Variants in MRPL13 observed in about 807,000 individuals in gnomAD.
The protein encoded by MRPL13 is mitochondrial ribosomal protein L13.
Under a neutral mutation model 29.0 loss-of-function variants are expected in MRPL13, and 33 were observed. That is an observed-to-expected ratio of 1.14 (90% CI 0.86 to 1.52). The LOEUF is 1.52. Among genes scored for constraint, MRPL13 ranks in the 40% most tolerant of loss-of-function variants. MRPL13 has a pLI of 0.00. For synonymous variants in MRPL13, 77 were observed against 68.4 expected (o/e 1.13, Z -0.62); for missense variants, 227 against 216.7 (o/e 1.05, Z -0.30).
intron 1 of MRPL13, among the ~76,000 whole-genome samples, chr8:120,443,758 A>C (rs1223458856): frequency 6.6e-6 from 1 of 152,170 alleles, no homozygotes; most frequent in Non-Finnish European, 1.5e-5. Context: ...TGAGTGGCCA[A>C]CTGGAAACTG....
chr8:120,435,480 T>TG (rs1452566746), intron 2 of MRPL13, among the ~76,000 whole-genome samples: 2 of 152,094 alleles, frequency 1.3e-5, no homozygotes, highest in Non-Finnish European at 2.9e-5. Context: ...TGTTCCTGTG[T>TG]TAGTTTACTT....
At chr8:120,419,505 A>C (rs1812843257) in intron 5 of MRPL13, among the ~76,000 whole-genome samples, 1 of 151,898 alleles carries the variant, frequency 6.6e-6, no homozygotes, top group African/African-American at 2.4e-5. Flanking sequence ...TGGTCACATA[A>C]AAAGTGAACT....
At chr8:120,411,649 T>C (rs1041516474) in intron 6 of MRPL13, among the ~76,000 whole-genome samples, 3 of 152,164 alleles carry the variant, frequency 2.0e-5, no homozygotes, top group Non-Finnish European at 4.4e-5. Flanking sequence ...AGTTAACATA[T>C]GCGTGTGACT....
chr8:120,429,050 G>A (rs1038692557), intron 3 of MRPL13, among the ~76,000 whole-genome samples: 6 of 152,024 alleles, frequency 3.9e-5, no homozygotes, highest in African/African-American at 1.4e-4. Context: ...CCACATGTGT[G>A]TTCACTGCAG....
At chr8:120,440,882 A>G (rs1280165725) in intron 2 of MRPL13, among the ~76,000 whole-genome samples, 2 of 152,082 alleles carry the variant, frequency 1.3e-5, no homozygotes, top group Non-Finnish European at 2.9e-5. Context: ...AAAACAGATC[A>G]CAGTGAGGCA....
chr8:120,429,161 A>G (rs1439349360), intron 3 of MRPL13, among the ~76,000 whole-genome samples: 1 of 152,208 alleles, frequency 6.6e-6, no homozygotes, highest in Non-Finnish European at 1.5e-5. Flanking sequence ...AATACTACAT[A>G]GCCATAAAAA....
intron 3 of MRPL13, among the ~76,000 whole-genome samples, chr8:120,427,689 T>C (rs973910685): frequency 7.2e-5 from 11 of 152,000 alleles, no homozygotes; most frequent in African/African-American, 2.4e-4. Context: ...GAAGGCTGGG[T>C]ATGATGGCTC....
At chr8:120,427,863 C>G (rs144556269) in intron 3 of MRPL13, among the ~76,000 whole-genome samples, 2 of 151,884 alleles carry the variant, frequency 1.3e-5, no homozygotes, top group East Asian at 3.9e-4. Flanking sequence ...AAAAACACTC[C>G]ATGCTCATGG....
At chr8:120,399,315 G>A (rs1399676748) in intron 6 of MRPL13, among the ~76,000 whole-genome samples, 1 of 152,186 alleles carries the variant, frequency 6.6e-6, no homozygotes, top group Non-Finnish European at 1.5e-5. Context: ...AACCCTACCA[G>A]CCAGAAGAGA....
chr8:120,430,277 A>G (rs567729759), intron 3 of MRPL13, among the ~76,000 whole-genome samples: 1 of 152,178 alleles, frequency 6.6e-6, no homozygotes, highest in Admixed American at 6.5e-5. Context: ...ACAAAACAAA[A>G]TGAAAATTTT....
chr8:120,444,901 T>G, intron 1 of MRPL13, 167 bp downstream of exon 1: 1 of 564,800 alleles, frequency 1.8e-6, no homozygotes. Context: ...ACGAACGACA[T>G]TAAGTGCTTG....
At chr8:120,422,924 C>T (rs1812890226) in intron 4 of MRPL13, among the ~76,000 whole-genome samples, 1 of 151,750 alleles carries the variant, frequency 6.6e-6, no homozygotes, top group East Asian at 1.9e-4. Flanking sequence ...GGTACATGAG[C>T]CTACCAAGTA....
At chr8:120,416,465 GC>G (rs1023571198) in intron 5 of MRPL13, among the ~76,000 whole-genome samples, 1 of 152,146 alleles carries the variant, frequency 6.6e-6, no homozygotes, top group African/African-American at 2.4e-5. Flanking sequence ...CTGCACTCCA[GC>G]CTGGGTGACA....
intron 2 of MRPL13, among the ~76,000 whole-genome samples, chr8:120,435,671 T>C (rs1346800179): frequency 1.3e-5 from 2 of 152,104 alleles, no homozygotes; most frequent in African/African-American, 2.4e-5. Flanking sequence ...TGAACATATC[T>C]GCATGCTTTA....
At chr8:120,421,058 T>C (rs1403014201) in intron 4 of MRPL13, among the ~76,000 whole-genome samples, 1 of 151,880 alleles carries the variant, frequency 6.6e-6, no homozygotes, top group Non-Finnish European at 1.5e-5. Context: ...AGACATTAAG[T>C]ATAAGTTTTA....
At chr8:120,401,254 T>C (rs1054632305) in intron 6 of MRPL13, among the ~76,000 whole-genome samples, 2 of 152,114 alleles carry the variant, frequency 1.3e-5, no homozygotes, top group African/African-American at 4.8e-5. Context: ...AAATCCTCAA[T>C]AAAACACTGG....
intron 2 of MRPL13, among the ~76,000 whole-genome samples, chr8:120,442,558 TG>T (rs1813136044): frequency 1.3e-5 from 2 of 152,204 alleles, no homozygotes; most frequent in Non-Finnish European, 2.9e-5. Context: ...TGTGATCAAT[TG>T]CAGCAAATGC....
chr8:120,412,455 G>A (rs943997899), intron 6 of MRPL13, among the ~76,000 whole-genome samples: 1 of 152,156 alleles, frequency 6.6e-6, no homozygotes, highest in African/African-American at 2.4e-5. Flanking sequence ...GCAATTCTCA[G>A]AAGTATGGAG....
At chr8:120,423,982 C>A (rs1003573536) in intron 4 of MRPL13, among the ~76,000 whole-genome samples, 1 of 151,488 alleles carries the variant, frequency 6.6e-6, no homozygotes, top group Non-Finnish European at 1.5e-5. Context: ...TACTGATGAA[C>A]CTTAGAGCTA....
Sources: gnomAD v4.1 joint callset for allele counts (sites outside exome capture counted in the v4.1 genomes callset) on GRCh38, gnomAD v4.1.1 for gene constraint, MANE v1.5 for transcripts, NCBI Gene and HGNC (gene_info 2026-07-23, HGNC 2026-07-21) for gene names.